SCP2: variants seen among roughly 807,000 people sequenced by gnomAD.
SCP2 encodes sterol carrier protein 2.
In SCP2, 48 loss-of-function variants were observed where a neutral mutation model predicts 71.4. The ratio of observed to expected loss-of-function variants is 0.67; its 90% CI spans 0.53 to 0.86. The LOEUF (loss-of-function observed/expected upper bound fraction) is 0.86, where lower values mean the gene tolerates loss of function less well. Among genes scored for constraint, SCP2 ranks in the 40% least tolerant of loss-of-function variants. SCP2 has a pLI of 0.00. For synonymous variants in SCP2, 220 were observed against 218.1 expected (o/e 1.01, Z -0.08); for missense variants, 560 against 655.6 (o/e 0.85, Z 1.59).
chr1:52,934,592 CTTTTTTTTTTTTTTTTTTTTTTTT>C (rs771433635), intron 1 of SCP2, among the ~76,000 whole-genome samples: 6 of 29,036 alleles, frequency 2.1e-4, no homozygotes, highest in South Asian at 4.0e-3. Flanking sequence ...TTCCAGCTAA[CTTTTTTTTTTTTTTTTTTTTTTTT>C]TTTTTTTTTT....
In SCP2 at chr1:53,007,855, C is replaced by T. The variant is rs544173516; in HGVS notation, c.1082-7035C>T. Among the ~76,000 whole-genome samples, 43 of 151,840 alleles carry T rather than the reference C, an allele frequency of 2.8e-4. 1 individual carries two copies. The highest frequency in any genetic ancestry group is 2.2e-3 in the Admixed American group (33 of 15,244). On this transcript the variant is annotated intron_variant, in intron 11 of 15. Transcript: ENST00000371514. ...GAATCCAGGAGCTGGTTTTTTGAAGCGATCAACAAAATTGATAGACCGCTA... is the reference window on the plus strand; with the variant it reads ...GAATCCAGGAGCTGGTTTTTTGAAGTGATCAACAAAATTGATAGACCGCTA...
intron 13 of SCP2, among the ~76,000 whole-genome samples, 191 bp downstream of exon 13, chr1:53,028,262 A>G (rs1662276057): frequency 6.6e-6 from 1 of 152,216 alleles, no homozygotes; most frequent in South Asian, 2.1e-4. Flanking sequence ...TCAGAAATGT[A>G]TGAATCTCCA....
chr1:53,015,071 C>G lies in SCP2; in HGVS notation c.1235+28C>G. On this transcript the variant is annotated intron_variant, in intron 12 of 15. Coordinates refer to ENST00000371514, the MANE Select transcript of SCP2 (RefSeq NM_002979.5). ...GAGTGACATTCAGAGTTTTGTGTGT[C>G]AGTTAATCCTTCTGACTTTTCACAG... 4 of 1,608,380 alleles carry G rather than the reference C, an allele frequency of 2.5e-6. No homozygotes were observed. The East Asian group carries it at 8.9e-5, about 36-fold the overall frequency.
intron 6 of SCP2, among the ~76,000 whole-genome samples, chr1:52,967,137 C>T (rs1657042790): frequency 2.0e-5 from 3 of 152,000 alleles, no homozygotes; most frequent in Admixed American, 1.3e-4. Flanking sequence ...TTGCAGTGAG[C>T]CGAGATTGTG....
At chr1:52,995,224 C>T in intron 11 of SCP2, 1 of 501,340 alleles carries the variant, frequency 2.0e-6, no homozygotes. Flanking sequence ...CAGTGTGGTG[C>T]CTCCACCCAA....
At chr1:52,927,586 C>T (rs748713155) in intron 1 of SCP2, 121 bp downstream of exon 1, 3 of 757,444 alleles carry the variant, frequency 4.0e-6, no homozygotes, top group Non-Finnish European at 6.9e-6. Flanking sequence ...GGCGTGGCGA[C>T]TTGGTGGCTT....
chr1:52,969,022 C>T (rs1350908291), intron 6 of SCP2, among the ~76,000 whole-genome samples: 1 of 151,568 alleles, frequency 6.6e-6, no homozygotes, highest in East Asian at 1.9e-4. Context: ...AGATCTTCAT[C>T]CTTGTTGCTC....
chr1:52,985,520 G>C (rs955474977), intron 10 of SCP2, among the ~76,000 whole-genome samples: 11 of 152,134 alleles, frequency 7.2e-5, no homozygotes, highest in African/African-American at 2.4e-4. Flanking sequence ...ATTATTGTTG[G>C]AGTCTTATGG....
intron 5 of SCP2, among the ~76,000 whole-genome samples, chr1:52,956,878 T>C (rs564758083): frequency 1.3e-5 from 2 of 149,294 alleles, no homozygotes; most frequent in Admixed American, 1.3e-4. Flanking sequence ...GAAATATATA[T>C]AAATTAAAAG....
At chr1:53,013,331 A>T (rs1661104221) in intron 11 of SCP2, among the ~76,000 whole-genome samples, 1 of 151,040 alleles carries the variant, frequency 6.6e-6, no homozygotes, top group African/African-American at 2.4e-5. Context: ...CATGCCTGTA[A>T]TCCCAGCACT....
At chr1:52,934,285 G>A (rs1653445872) in intron 1 of SCP2, among the ~76,000 whole-genome samples, 1 of 151,954 alleles carries the variant, frequency 6.6e-6, no homozygotes, top group Non-Finnish European at 1.5e-5. Flanking sequence ...TAGAAAACTT[G>A]TATCTGCTTC....
intron 12 of SCP2, among the ~76,000 whole-genome samples, chr1:53,020,383 C>T (rs1479581155): frequency 6.6e-6 from 1 of 152,094 alleles, no homozygotes; most frequent in Non-Finnish European, 1.5e-5. Flanking sequence ...TTTTTTATTT[C>T]CCAGTGCATT....
intron 5 of SCP2, among the ~76,000 whole-genome samples, chr1:52,958,571 C>G (rs1034247170): frequency 6.7e-6 from 1 of 149,860 alleles, no homozygotes; most frequent in African/African-American, 2.4e-5. Flanking sequence ...TTGAGATGTT[C>G]TTATTTTGTT....
At chr1:53,001,765 C>T (rs1203783925) in intron 11 of SCP2, among the ~76,000 whole-genome samples, 2 of 152,348 alleles carry the variant, frequency 1.3e-5, no homozygotes, top group Middle Eastern at 3.4e-3. Context: ...TTTCCTGTTT[C>T]ACTGATTCTT....
intron 11 of SCP2, chr1:52,994,893 T>A (rs1659812920): frequency 1.9e-6 from 1 of 513,170 alleles, no homozygotes; most frequent in Non-Finnish European, 3.9e-6. Flanking sequence ...AAGCCATAGA[T>A]GGCAAATATG....
At chr1:53,010,771 G>A (rs1660937307) in intron 11 of SCP2, among the ~76,000 whole-genome samples, 2 of 152,132 alleles carry the variant, frequency 1.3e-5, no homozygotes, top group Admixed American at 1.3e-4. Context: ...AGAACTTAAA[G>A]TATAACAATA....
At chr1:52,998,810 A>G (rs972803692) in intron 11 of SCP2, among the ~76,000 whole-genome samples, 3 of 152,172 alleles carry the variant, frequency 2.0e-5, no homozygotes, top group African/African-American at 7.2e-5. Context: ...AGTCTTGTTA[A>G]TATTGGATTT....
At chr1:52,936,697 G>A (rs1253383491) in intron 1 of SCP2, among the ~76,000 whole-genome samples, 2 of 152,154 alleles carry the variant, frequency 1.3e-5, no homozygotes, top group Admixed American at 6.5e-5. Context: ...TAAAATAAAT[G>A]GGCAAGACTA....
At chr1:53,035,984 C>G (rs1662905648) in intron 13 of SCP2, among the ~76,000 whole-genome samples, 1 of 142,390 alleles carries the variant, frequency 7.0e-6, no homozygotes, top group African/African-American at 2.6e-5. Context: ...CAGGCCACTG[C>G]ACTCCAGCCT....
Sources: gnomAD v4.1 joint callset for allele counts (sites outside exome capture counted in the v4.1 genomes callset) on GRCh38, gnomAD v4.1.1 for gene constraint, MANE v1.5 for transcripts, NCBI Gene and HGNC (gene_info 2026-07-23, HGNC 2026-07-21) for gene names.